The following RAD54L2 variants were observed in gnomAD, a reference collection of about 807,000 sequenced individuals.
The protein encoded by RAD54L2 is RAD54 like 2, also known as helicase ARIP4.
Under a neutral mutation model 138.4 loss-of-function variants are expected in RAD54L2, and 27 were observed. The observed-to-expected ratio is 0.20, with a 90% CI of 0.14 to 0.27. RAD54L2 has a LOEUF of 0.27. Ranked by LOEUF, RAD54L2 falls within the 10% of genes least tolerant of loss-of-function variation. The pLI is 1.00. For synonymous variants in RAD54L2, 644 were observed against 723.2 expected (o/e 0.89, Z 1.76); for missense variants, 1,396 against 1,890.2 (o/e 0.74, Z 4.85).
chr3:51,604,284 T>G (rs927819169), intron 3 of RAD54L2, among the ~76,000 whole-genome samples: 1 of 152,178 alleles, frequency 6.6e-6, no homozygotes, highest in African/African-American at 2.4e-5. Flanking sequence ...TTGTAATCCA[T>G]CTGGAATTGA....
At position 51,663,172 on chromosome 3, in the gene RAD54L2, T is replaced by C. The variant is rs773351304; in HGVS notation, c.4156T>C (p.Phe1386Leu). The C allele has an allele frequency of 6.2e-7, 1 of 1,613,994 alleles. No individual in the cohort carries two copies. Among genetic ancestry groups the C allele is most frequent in the Non-Finnish European group, 8.5e-7 (1 of 1,179,886 alleles). Reference protein sequence around the residue: ...PGILPSYSLPFSQPLLSEPRM... With the variant: ...PGILPSYSLPLSQPLLSEPRM... ...GATACTACCCAGCTATTCACTCCCA[T>C]TCTCACAGCCACTCCTGTCCGAGCC... The change falls in exon 23 of 23, where the codon TTC becomes CTC. Residue 1386 changes from phenylalanine (F) to leucine (L), a missense_variant. This residue lies in a region of RAD54L2 where 634 missense variants were observed against 711.2 expected (regional missense o/e 0.89). Transcript: ENST00000684192.
At chr3:51,545,970 A>C (rs1698682441) in intron 2 of RAD54L2, among the ~76,000 whole-genome samples, 1 of 117,552 alleles carries the variant, frequency 8.5e-6, no homozygotes, top group Admixed American at 1.2e-4. Context: ...ATGGCGTCTC[A>C]CTCTGTAGCC....
chr3:51,607,800 C>T (rs564946465), intron 3 of RAD54L2, among the ~76,000 whole-genome samples: 4 of 143,252 alleles, frequency 2.8e-5, no homozygotes, highest in East Asian at 2.1e-4. Flanking sequence ...GGGTGGCGGC[C>T]GGGCAGAGGG....
intron 3 of RAD54L2, among the ~76,000 whole-genome samples, chr3:51,621,968 G>A (rs1321648579): frequency 2.0e-5 from 3 of 152,192 alleles, no homozygotes; most frequent in African/African-American, 7.2e-5. Context: ...CCTTTTAGGA[G>A]GGAAGAATTC....
At chr3:51,653,966 G>C (rs1701526911) in intron 19 of RAD54L2, among the ~76,000 whole-genome samples, 1 of 152,068 alleles carries the variant, frequency 6.6e-6, no homozygotes, top group East Asian at 1.9e-4. Flanking sequence ...TGACAAATGA[G>C]GTTCCAAAGG....
chr3:51,625,349 C>T (rs1453444171), intron 3 of RAD54L2, among the ~76,000 whole-genome samples: 4 of 152,038 alleles, frequency 2.6e-5, no homozygotes, highest in African/African-American at 7.2e-5. Flanking sequence ...ACCCGGGAGG[C>T]GGAGGTTGAG....
chr3:51,616,837 G>A lies in RAD54L2; in HGVS notation c.140-10716G>A, dbSNP rs1240315341. Among the ~76,000 whole-genome samples the A allele has an allele frequency of 2.6e-5, 4 of 151,992 alleles. No homozygotes were observed. In the East Asian group the frequency reaches 7.7e-4, roughly 29 times the overall value. ...AGTGAGACTCTGTCTCAAAAGAAAA[G>A]AAAAGAAAAGAAAAGAAAATATCCA... On this transcript the variant is annotated intron_variant, in intron 3 of 22. Coordinates refer to ENST00000684192, the MANE Select transcript of RAD54L2 (RefSeq NM_015106.4).
At chr3:51,652,563 C>T (rs576784993) in intron 19 of RAD54L2, among the ~76,000 whole-genome samples, 1 of 152,186 alleles carries the variant, frequency 6.6e-6, no homozygotes, top group Non-Finnish European at 1.5e-5. Flanking sequence ...CAGCATGGTA[C>T]TGGTACCAAA....
chr3:51,559,480 C>G (rs540944795), intron 2 of RAD54L2, among the ~76,000 whole-genome samples: 6 of 152,318 alleles, frequency 3.9e-5, no homozygotes, highest in South Asian at 4.1e-4. Flanking sequence ...CAAACTGATT[C>G]ATCCCACTGC....
At chr3:51,632,531 G>A (rs1700874322) in intron 7 of RAD54L2, among the ~76,000 whole-genome samples, 1 of 150,698 alleles carries the variant, frequency 6.6e-6, no homozygotes, top group Non-Finnish European at 1.5e-5. Context: ...CCAACCTCAG[G>A]TAATCTGCAC....
intron 3 of RAD54L2, among the ~76,000 whole-genome samples, chr3:51,618,747 A>G (rs534942400): frequency 3.3e-4 from 51 of 152,328 alleles, no homozygotes; most frequent in South Asian, 1.7e-3. Flanking sequence ...TATATTTTGC[A>G]TATGACAAGA....
At chr3:51,598,498 G>C (rs1700018811) in intron 3 of RAD54L2, among the ~76,000 whole-genome samples, 1 of 152,104 alleles carries the variant, frequency 6.6e-6, no homozygotes, top group Non-Finnish European at 1.5e-5. Context: ...AGCACTTGGG[G>C]ATCACAGCAC....
Position 51,576,813 on chromosome 3 carries a change from A to AT in RAD54L2, c.-54-13545dup, listed in dbSNP as rs958421043. Among the ~76,000 whole-genome samples the AT allele has an allele frequency of 6.0e-5, 9 of 151,100 alleles. No homozygotes were observed. In the South Asian group the frequency reaches 6.3e-4, roughly 11 times the overall value. On this transcript the variant is annotated intron_variant, in intron 2 of 22. Transcript: ENST00000684192. ...AAAAAACCAGCTCCTGGATTCACTG[A>AT]TTTTTTTTTGAAGGGTTTTTTGTGT...
intron 2 of RAD54L2, among the ~76,000 whole-genome samples, chr3:51,562,049 C>T (rs1265701817): frequency 6.8e-6 from 1 of 147,814 alleles, no homozygotes; most frequent in African/African-American, 2.5e-5. Context: ...TTTTTTTTTC[C>T]CCCTGAGACC....
intron 2 of RAD54L2, among the ~76,000 whole-genome samples, chr3:51,560,362 CT>C (rs61485263): frequency 0.061 from 8,512 of 138,566 alleles, 456 homozygotes; most frequent in East Asian, 0.29. Context: ...TCTTTTTTTT[CT>C]TTTTTTTTTT....
At position 51,636,126 on chromosome 3, in the gene RAD54L2, A is replaced by C. The variant is rs117474577; in HGVS notation, c.1339+337A>C. Among the ~76,000 whole-genome samples the C allele has an allele frequency of 2.9e-4, 44 of 152,368 alleles. No individual in the cohort carries two copies. In the East Asian group the frequency reaches 7.3e-3, roughly 25 times the overall value. On this transcript the variant is annotated intron_variant, in intron 10 of 22. Coordinates refer to ENST00000684192, the MANE Select transcript of RAD54L2 (RefSeq NM_015106.4). Reference sequence around the variant, plus strand: ...GATGTTCTGAGAAAGCATGAAGAAAATATAAAGTGTTTAAATCACTAATAT... The same window carrying C: ...GATGTTCTGAGAAAGCATGAAGAAACTATAAAGTGTTTAAATCACTAATAT...
rs72953404 is a variant in RAD54L2, at chr3:51,634,282, A to G, written c.1142+247A>G. ...AGGAGGCTTTTATATCTTGAAAAAT[A>G]TGTGGGCATGGTCATATTTTCCCAT... On this transcript the variant is annotated intron_variant, in intron 9 of 22. Transcript: ENST00000684192. Among the ~76,000 whole-genome samples, 3,250 of 149,854 alleles carry G rather than the reference A, an allele frequency of 0.022. 120 individuals are homozygous for G. Among genetic ancestry groups the G allele is most frequent in the African/African-American group, 0.075 (3,045 of 40,770 alleles).
At chr3:51,641,999 G>C (rs1261098253) in intron 15 of RAD54L2, 132 bp downstream of exon 15, 1 of 674,796 alleles carries the variant, frequency 1.5e-6, no homozygotes, top group African/African-American at 1.8e-5. Flanking sequence ...AGGAGCAGGG[G>C]GATACTAAGA....
At chr3:51,559,188 G>A (rs1318834910) in intron 2 of RAD54L2, among the ~76,000 whole-genome samples, 2 of 152,002 alleles carry the variant, frequency 1.3e-5, no homozygotes, top group East Asian at 1.9e-4. Flanking sequence ...GCGCCTGGCC[G>A]ACAATAGCCC....
Sources: allele counts gnomAD v4.1 joint callset (sites outside exome capture counted in the v4.1 genomes callset), GRCh38; gene constraint gnomAD v4.1.1; regional missense constraint gnomAD v4.1.1; transcripts MANE v1.5; gene names NCBI Gene and HGNC (gene_info 2026-07-23, HGNC 2026-07-21).